The following RPTOR variants were observed in gnomAD, a reference collection of about 807,000 sequenced individuals.
RPTOR encodes the protein regulatory-associated protein of mTOR.
RPTOR carries 21 observed loss-of-function variants against 169.9 expected under a neutral mutation model. The observed-to-expected ratio is 0.12, with a 90% CI of 0.09 to 0.18. The LOEUF is 0.18. RPTOR is among the 10% of genes least tolerant of loss of function. The pLI is 1.00. For missense variants in RPTOR, 1,133 were observed against 1,855.9 expected, an observed-to-expected ratio of 0.61 and a Z score of 7.16; for synonymous variants, 732 against 753.2, an observed-to-expected ratio of 0.97 and a Z score of 0.46.
chr17:80,858,669 C>T (rs565630491), intron 13 of RPTOR, among the ~76,000 whole-genome samples: 33 of 152,144 alleles, frequency 2.2e-4, no homozygotes, highest in Middle Eastern at 6.8e-3. Flanking sequence ...GGGCGAGACC[C>T]GGCCTATGCT....
At chr17:80,552,380 T>C (rs909785075) in intron 1 of RPTOR, among the ~76,000 whole-genome samples, 1 of 152,192 alleles carries the variant, frequency 6.6e-6, no homozygotes, top group Non-Finnish European at 1.5e-5. Context: ...TCGTCGTTCA[T>C]ACTTAGCATC....
intron 2 of RPTOR, 81 bp downstream of exon 2, chr17:80,625,874 C>A: frequency 1.1e-6 from 1 of 952,028 alleles, no homozygotes; most frequent in South Asian, 1.3e-5. Context: ...AGCCTGTGGT[C>A]TGGTCCAGGG....
intron 1 of RPTOR, among the ~76,000 whole-genome samples, chr17:80,568,837 A>G (rs2064873036): frequency 6.6e-6 from 1 of 151,956 alleles, no homozygotes; most frequent in Non-Finnish European, 1.5e-5. Context: ...AGTATCTAAC[A>G]TGCTCTTTAT....
intron 13 of RPTOR, among the ~76,000 whole-genome samples, chr17:80,866,681 A>G (rs570701866): frequency 6.6e-6 from 1 of 152,202 alleles, no homozygotes; most frequent in Non-Finnish European, 1.5e-5. Context: ...AACATTTGAT[A>G]ACTTTGATTC....
At chr17:80,723,549 C>A (rs536187537) in intron 4 of RPTOR, among the ~76,000 whole-genome samples, 2 of 151,448 alleles carry the variant, frequency 1.3e-5, no homozygotes, top group Admixed American at 1.3e-4. Flanking sequence ...CACTGACACA[C>A]CTTCTAGCAT....
At chr17:80,905,098 C>T (rs1235759906) in intron 20 of RPTOR, among the ~76,000 whole-genome samples, 22 of 152,178 alleles carry the variant, frequency 1.4e-4, no homozygotes. Flanking sequence ...CCACACACAT[C>T]CCCCATCGTG....
intron 11 of RPTOR, among the ~76,000 whole-genome samples, chr17:80,854,542 G>T (rs1044590522): frequency 6.6e-6 from 1 of 152,342 alleles, no homozygotes; most frequent in Admixed American, 6.5e-5. Context: ...TAGTGGAAAA[G>T]AATCATGTAC....
intron 17 of RPTOR, among the ~76,000 whole-genome samples, chr17:80,886,068 G>C (rs950202152): frequency 7.9e-5 from 12 of 152,264 alleles, no homozygotes; most frequent in African/African-American, 2.7e-4. Context: ...GGCAGGGAGT[G>C]TGTCTCCCCG....
At chr17:80,613,027 A>T (rs922839722) in intron 1 of RPTOR, among the ~76,000 whole-genome samples, 2 of 152,222 alleles carry the variant, frequency 1.3e-5, no homozygotes, top group African/African-American at 2.4e-5. Context: ...CTGTCCACAG[A>T]GCCAGGGTCC....
At chr17:80,938,506 A>G (rs776621171) in intron 24 of RPTOR, among the ~76,000 whole-genome samples, 2 of 152,076 alleles carry the variant, frequency 1.3e-5, no homozygotes, top group African/African-American at 4.8e-5. Context: ...GTTATTTACC[A>G]TTTGTCATTT....
intron 4 of RPTOR, among the ~76,000 whole-genome samples, chr17:80,711,925 G>A (rs1322846426): frequency 6.6e-6 from 1 of 151,820 alleles, no homozygotes; most frequent in Non-Finnish European, 1.5e-5. Flanking sequence ...TGTATTTTCA[G>A]TAGAGACGGG....
intron 1 of RPTOR, among the ~76,000 whole-genome samples, chr17:80,552,686 A>T (rs2084360011): frequency 1.3e-5 from 2 of 152,214 alleles, no homozygotes; most frequent in Non-Finnish European, 2.9e-5. Flanking sequence ...TTACCTAGGG[A>T]TCATTCTCTC....
At chr17:80,838,195 T>C (rs2067586547) in intron 10 of RPTOR, among the ~76,000 whole-genome samples, 198 bp downstream of exon 10, 1 of 152,204 alleles carries the variant, frequency 6.6e-6, no homozygotes, top group Non-Finnish European at 1.5e-5. Flanking sequence ...TTTGAAAGAA[T>C]CAACTTTTAA....
At chr17:80,671,053 G>A (rs1209986276) in intron 3 of RPTOR, among the ~76,000 whole-genome samples, 2 of 152,244 alleles carry the variant, frequency 1.3e-5, no homozygotes, top group South Asian at 2.1e-4. Flanking sequence ...GCCCTGGAGC[G>A]TGGCCCAGTA....
At chr17:80,934,569 G>A (rs565938615) in intron 24 of RPTOR, among the ~76,000 whole-genome samples, 1 of 152,294 alleles carries the variant, frequency 6.6e-6, no homozygotes, top group Non-Finnish European at 1.5e-5. Flanking sequence ...ATGTTGCTCA[G>A]ACTGGTCTCA....
chr17:80,695,309 G>A lies in RPTOR; in HGVS notation c.349-12532G>A, dbSNP rs539023723. Among the ~76,000 whole-genome samples the A allele has an allele frequency of 6.6e-5, 10 of 152,342 alleles. No homozygotes were observed. The South Asian group carries it at 1.0e-3, about 16-fold the overall frequency. On this transcript the variant is annotated intron_variant, in intron 3 of 33. Coordinates refer to ENST00000306801, the MANE Select transcript of RPTOR (RefSeq NM_020761.3). The surrounding 1 kb of genome is among the most constrained non-coding windows in gnomAD (Gnocchi z 4.9). ...CATCAGCCACCCGGGCAGGGCCCGC[G>A]TTAGTTTAGTTGTTTGTGGAGGAGA...
At chr17:80,920,167 C>T (rs544855546) in intron 21 of RPTOR, among the ~76,000 whole-genome samples, 9 of 152,334 alleles carry the variant, frequency 5.9e-5, no homozygotes, top group East Asian at 1.9e-4. Flanking sequence ...CTGCTCGCTG[C>T]GTACCCTGTC....
At chr17:80,952,669 T>C (rs923484051) in intron 28 of RPTOR, among the ~76,000 whole-genome samples, 2 of 152,082 alleles carry the variant, frequency 1.3e-5, no homozygotes. Context: ...TCCCTCTGTT[T>C]GTTCTGCTCG....
intron 1 of RPTOR, among the ~76,000 whole-genome samples, chr17:80,599,392 T>A (rs1331917179): frequency 6.6e-6 from 1 of 152,184 alleles, no homozygotes; most frequent in Non-Finnish European, 1.5e-5. Context: ...ATGAAATGAT[T>A]GTTTTGTGCT....
Sources: gnomAD v4.1 joint callset for allele counts (sites outside exome capture counted in the v4.1 genomes callset) on GRCh38, gnomAD v4.1.1 for gene constraint, Gnocchi (gnomAD v3.1) non-coding constraint, MANE v1.5 for transcripts, NCBI Gene and HGNC (gene_info 2026-07-23, HGNC 2026-07-21) for gene names.